Variants in RAI14 observed in about 807,000 individuals in gnomAD.
RAI14 encodes the protein retinoic acid induced 14, also known as ankycorbin.
In RAI14, 45 loss-of-function variants were observed where a neutral mutation model predicts 115.4. That is an observed-to-expected ratio of 0.39 (90% CI 0.31 to 0.50). The LOEUF is 0.50. RAI14 is among the 20% of genes least tolerant of loss of function. The probability of loss-of-function intolerance (pLI) is 0.85; values close to 1 mark genes in which losing one functional copy is unlikely to be tolerated. For missense variants in RAI14, 939 were observed against 1,131.2 expected, an observed-to-expected ratio of 0.83 and a Z score of 2.44; for synonymous variants, 371 against 415.4, an observed-to-expected ratio of 0.89 and a Z score of 1.30.
rs572854876 is a variant in RAI14 at position 34,710,330 on chromosome 5, A to T, written c.36+23375A>T. Among the ~76,000 whole-genome samples, 22 of 152,136 alleles carry T rather than the reference A, an allele frequency of 1.4e-4. 1 individual carries two copies. The South Asian group carries it at 4.6e-3, about 32-fold the overall frequency. ...CATTATTCTAGTCCTCTGTCCTTACATGGTCATCTTCTCCCTCTGTATGTA... is the reference window on the plus strand; with the variant it reads ...CATTATTCTAGTCCTCTGTCCTTACTTGGTCATCTTCTCCCTCTGTATGTA... On this transcript the variant is annotated intron_variant, in intron 2 of 17. Coordinates refer to ENST00000265109, the MANE Select transcript of RAI14 (RefSeq NM_015577.3).
chr5:34,819,938 T>A (rs532799174), intron 13 of RAI14, among the ~76,000 whole-genome samples: 1 of 152,302 alleles, frequency 6.6e-6, no homozygotes, highest in East Asian at 1.9e-4. Context: ...CTGGCAGAGA[T>A]CAATGTTAAT....
At chr5:34,721,902 T>C (rs1377006672) in intron 2 of RAI14, among the ~76,000 whole-genome samples, 1 of 152,000 alleles carries the variant, frequency 6.6e-6, no homozygotes, top group African/African-American at 2.4e-5. Flanking sequence ...AGAGCCAGGG[T>C]TTCACCATGT....
chr5:34,778,992 G>A (rs992382148), intron 3 of RAI14, among the ~76,000 whole-genome samples: 1 of 151,930 alleles, frequency 6.6e-6, no homozygotes, highest in Admixed American at 6.6e-5. Flanking sequence ...CTGGCAAACC[G>A]AATACAGCAA....
intron 1 of RAI14, among the ~76,000 whole-genome samples, chr5:34,674,897 ATTTT>A (rs35952675): frequency 7.7e-6 from 1 of 130,322 alleles, no homozygotes; most frequent in Non-Finnish European, 1.7e-5. Flanking sequence ...ACTTCATTGG[ATTTT>A]TTTTTTTTTT....
chr5:34,725,196 A>G (rs151082514), intron 2 of RAI14, among the ~76,000 whole-genome samples: 1 of 152,184 alleles, frequency 6.6e-6, no homozygotes, highest in African/African-American at 2.4e-5. Context: ...ATTTTTCTTT[A>G]GGAACAAAAT....
chr5:34,764,578 A>G (rs1561330033), intron 3 of RAI14, among the ~76,000 whole-genome samples: 3 of 151,814 alleles, frequency 2.0e-5, no homozygotes, highest in South Asian at 2.1e-4. Context: ...TCTCACACAC[A>G]AATACATCCC....
At chr5:34,665,115 G>A (rs943765366) in intron 1 of RAI14, among the ~76,000 whole-genome samples, 8 of 27,198 alleles carry the variant, frequency 2.9e-4, no homozygotes, top group South Asian at 1.6e-3. Flanking sequence ...GTATATATAT[G>A]TGTATATATG....
chr5:34,770,538 C>T (rs1297252921), intron 3 of RAI14, among the ~76,000 whole-genome samples: 1 of 152,148 alleles, frequency 6.6e-6, no homozygotes, highest in East Asian at 1.9e-4. Context: ...ATAAAGAAGA[C>T]ATTGGACTGT....
At position 34,826,376 on chromosome 5, in the gene RAI14, A is replaced by G. The variant is rs754798326; in HGVS notation, c.2696A>G (p.Asn899Ser). Reference protein sequence around the residue: ...KEVTKLKEALNSLSQLSYSTS... With the variant: ...KEVTKLKEALSSLSQLSYSTS... ...GTCACCAAATTGAAGGAGGCCTTGA[A>G]CAGCCTCTCCCAGCTCTCCTACTCA... The change falls in exon 16 of 18, where the codon AAC (asparagine) becomes AGC (serine). Residue 899 changes from asparagine to serine, a missense_variant. Coordinates refer to ENST00000265109, the MANE Select transcript of RAI14 (RefSeq NM_015577.3). 2.5e-6 allele frequency: 4 copies of G among 1,613,860 alleles called. No homozygotes were observed. Among genetic ancestry groups the G allele is most frequent in the Non-Finnish European group, 3.4e-6 (4 of 1,179,942 alleles).
rs1758019267 is a variant in RAI14, at chr5:34,831,588, T to C, written c.*823T>C. ...GCCTCATAGTTCTTAACCTCAACTT[T>C]TGTAGAAGTATTTTTTTCTCTGTAA... On this transcript the variant is annotated 3_prime_UTR_variant, in exon 18 of 18. Transcript: ENST00000265109. The C allele has an allele frequency of 6.6e-6, 1 of 152,590 alleles. No homozygotes were observed. The highest frequency in any genetic ancestry group is 2.4e-5 in the African/African-American group (1 of 41,452). 9.5% of individuals were successfully genotyped at this position (152,590 alleles called of 1,614,324 possible). A position where few individuals can be genotyped will look rare whatever the true frequency, so the allele number is the denominator to read the frequency against.
intron 3 of RAI14, among the ~76,000 whole-genome samples, chr5:34,767,618 AC>A (rs1211928594): frequency 2.4e-5 from 1 of 41,132 alleles, no homozygotes; most frequent in Non-Finnish European, 5.0e-5. Context: ...CACCCCCACC[AC>A]CCCCCACCCC....
In RAI14 at chr5:34,673,564, T is replaced by C. The variant is rs1743765293; in HGVS notation, c.-48-13308T>C. On this transcript the variant is annotated intron_variant, in intron 1 of 17. Coordinates refer to ENST00000265109, the MANE Select transcript of RAI14 (RefSeq NM_015577.3). ...TACTGTGGCATCTGAGTTGGGTCTC[T>C]GTCACTTGCAACCTAAGAGTACTGA... 1.3e-5 allele frequency among the ~76,000 whole-genome samples: 2 copies of C among 152,228 alleles called. 1 individual carries two copies. The highest frequency in any genetic ancestry group is 4.1e-4 in the South Asian group (2 of 4,830).
rs372158532 is a variant in RAI14 at position 34,812,665 on chromosome 5, CA to C, written c.765+467del. 4.6e-3 allele frequency among the ~76,000 whole-genome samples: 672 copies of C among 146,064 alleles called. 4 individuals are homozygous for C. The highest frequency in any genetic ancestry group is 7.2e-3 in the Non-Finnish European group (475 of 66,280). The stretch of plus-strand genomic sequence containing the variant: ...GGGCAACAAGAGTGAAACTCCGTCT[CA>C]AAAAAAAAAGGTGGTAAAGCTTTCC... On this transcript the variant is annotated intron_variant, in intron 10 of 17. Transcript: ENST00000265109.
chr5:34,812,071 G>C lies in RAI14; in HGVS notation c.737-109G>C, dbSNP rs933696585. On this transcript the variant is annotated intron_variant, in intron 9 of 17. Coordinates refer to ENST00000265109, the MANE Select transcript of RAI14 (RefSeq NM_015577.3). ...TTAAACATATTCTTGAAAAAAAAAG[G>C]AGTGTTAAAAAATATTGTATATGGT... 3.9e-6 allele frequency: 5 copies of C among 1,295,520 alleles called. No individual in the cohort carries two copies. In the African/African-American group the frequency reaches 6.0e-5, roughly 16 times the overall value. 80.3% of individuals were successfully genotyped at this position (1,295,520 alleles called of 1,614,324 possible). A position where few individuals can be genotyped will look rare whatever the true frequency, so the allele number is the denominator to read the frequency against.
chr5:34,800,850 G>A (rs574455224), intron 4 of RAI14, among the ~76,000 whole-genome samples: 4 of 152,328 alleles, frequency 2.6e-5, no homozygotes, highest in South Asian at 4.1e-4. Flanking sequence ...AACAGCTTTT[G>A]TTCACAGCAG....
At position 34,827,051 on chromosome 5, in the gene RAI14, T is replaced by C. The variant is rs1757524181; in HGVS notation, c.2799+572T>C. On this transcript the variant is annotated intron_variant, in intron 16 of 17. Coordinates refer to ENST00000265109, the MANE Select transcript of RAI14 (RefSeq NM_015577.3). This position sits in a 1 kb window ranked among gnomAD's most constrained non-coding sequence, Gnocchi z 4.2. ...CTTTCACTGGACTAACTTCAAGTTG[T>C]TGGCAGGGCTGGTTCCTCCTCGAGA... 6.6e-6 allele frequency among the ~76,000 whole-genome samples: 1 copy of C among 152,234 alleles called. No individual in the cohort carries two copies. Among genetic ancestry groups the C allele is most frequent in the Non-Finnish European group, 1.5e-5 (1 of 68,044 alleles).
chr5:34,669,040 A>G (rs1743429959), intron 1 of RAI14, among the ~76,000 whole-genome samples: 1 of 152,098 alleles, frequency 6.6e-6, no homozygotes, highest in Non-Finnish European at 1.5e-5. Flanking sequence ...TATTTTCAGT[A>G]GAGACGGGGT....
intron 3 of RAI14, among the ~76,000 whole-genome samples, chr5:34,784,004 A>G (rs1398513488): frequency 6.6e-6 from 1 of 152,238 alleles, no homozygotes; most frequent in Non-Finnish European, 1.5e-5. Context: ...AACATGTGTG[A>G]CATCCATTTG....
intron 1 of RAI14, among the ~76,000 whole-genome samples, chr5:34,676,334 AT>A (rs1435200160): frequency 1.3e-5 from 2 of 152,192 alleles, no homozygotes; most frequent in Non-Finnish European, 2.9e-5. Context: ...AGACGGTGGT[AT>A]TGTAATGAAC....
Sources: gnomAD v4.1 joint callset for allele counts (sites outside exome capture counted in the v4.1 genomes callset) on GRCh38, gnomAD v4.1.1 for gene constraint, Gnocchi (gnomAD v3.1) non-coding constraint, MANE v1.5 for transcripts, NCBI Gene and HGNC (gene_info 2026-07-23, HGNC 2026-07-21) for gene names.